The following SP4 variants were observed in gnomAD, a reference collection of about 807,000 sequenced individuals.
SP4 encodes Sp4 transcription factor.
A neutral mutation model predicts 72.8 loss-of-function variants in SP4; 19 were observed. The ratio of observed to expected loss-of-function variants is 0.26; its 90% CI spans 0.18 to 0.38. The LOEUF (loss-of-function observed/expected upper bound fraction) is 0.38, where lower values mean the gene tolerates loss of function less well. SP4 is among the 10% of genes least tolerant of loss of function. The probability of loss-of-function intolerance (pLI) is 1.00; values close to 1 mark genes in which losing one functional copy is unlikely to be tolerated. For missense variants in SP4, 1,008 were observed against 926.3 expected, an observed-to-expected ratio of 1.09 and a Z score of -1.14; for synonymous variants, 395 against 333.1, an observed-to-expected ratio of 1.19 and a Z score of -2.02.
intron 5 of SP4, among the ~76,000 whole-genome samples, chr7:21,504,014 T>A (rs1277062440): frequency 6.6e-6 from 1 of 152,212 alleles, no homozygotes; most frequent in African/African-American, 2.4e-5. Context: ...GTGACCCCTG[T>A]CCTGTCTAAT....
At chr7:21,457,015 C>T (rs1170331738) in intron 3 of SP4, among the ~76,000 whole-genome samples, 1 of 129,818 alleles carries the variant, frequency 7.7e-6, no homozygotes, top group East Asian at 3.2e-4. Context: ...GGGTTGAATG[C>T]CTCCAGCCTA....
chr7:21,453,663 A>G (rs567204077), intron 3 of SP4, among the ~76,000 whole-genome samples: 56 of 152,350 alleles, frequency 3.7e-4, no homozygotes, highest in Non-Finnish European at 6.5e-4. Context: ...AATCTATTCA[A>G]TCTTAATCAG....
intron 5 of SP4, among the ~76,000 whole-genome samples, chr7:21,492,847 A>T (rs1232001446): frequency 6.6e-6 from 1 of 152,230 alleles, no homozygotes; most frequent in African/African-American, 2.4e-5. Flanking sequence ...TCAAGAGCAC[A>T]TGGAACATTC....
intron 5 of SP4, among the ~76,000 whole-genome samples, chr7:21,487,010 A>G (rs1784832561): frequency 6.6e-6 from 1 of 151,990 alleles, no homozygotes; most frequent in South Asian, 2.1e-4. Context: ...GTCATTTTCA[A>G]TTTTCCTTGT....
chr7:21,429,347 C>T lies in SP4; in HGVS notation c.182C>T (p.Pro61Leu). 6.2e-7 allele frequency: 1 copy of T among 1,613,754 alleles called. No individual in the cohort carries two copies. Among genetic ancestry groups the T allele is most frequent in the East Asian group, 2.2e-5 (1 of 44,866 alleles). ...LAATCSKIGT[P>L]GENQATGQQQ... ...GCTACTTGCAGCAAAATAGGGACTC[C>T]TGGTGAAAATCAAGCAACTGGACAA... Residue 61 changes from proline to leucine, a missense_variant, in exon 3 of 6, where the codon CCT becomes CTT. This residue lies in a region of SP4 where 893 missense variants were observed against 743.3 expected (regional missense o/e 1.20). Coordinates refer to ENST00000222584, the MANE Select transcript of SP4 (RefSeq NM_003112.5).
intron 3 of SP4, among the ~76,000 whole-genome samples, chr7:21,444,535 C>T (rs1783360963): frequency 1.3e-5 from 2 of 152,124 alleles, no homozygotes; most frequent in Non-Finnish European, 2.9e-5. Context: ...AGAGTCTAAA[C>T]GTACTTGTAC....
At position 21,430,274 on chromosome 7, in the gene SP4, C is replaced by G; in HGVS notation, c.1109C>G (p.Ser370Cys). The part of the protein sequence containing the change: ...EESQTPAATE[S>C]EAQSSSQLQP... ...TCTCAAACACCTGCTGCTACTGAGT[C>G]TGAAGCCCAGAGCTCCAGTCAGCTT... The change falls in exon 3 of 6, where the codon TCT becomes TGT. Residue 370 changes from serine to cysteine, a missense_variant. This residue lies in a region of SP4 where 893 missense variants were observed against 743.3 expected (regional missense o/e 1.20). Coordinates refer to ENST00000222584, the MANE Select transcript of SP4 (RefSeq NM_003112.5). 1 of 1,614,236 alleles carries G rather than the reference C, an allele frequency of 6.2e-7. No homozygotes were observed. Among genetic ancestry groups the G allele is most frequent in the Non-Finnish European group, 8.5e-7 (1 of 1,180,054 alleles).
chr7:21,461,761 G>A (rs536939684), intron 3 of SP4, among the ~76,000 whole-genome samples: 19 of 152,338 alleles, frequency 1.2e-4, no homozygotes, highest in African/African-American at 4.1e-4. Flanking sequence ...AGGAGGCACC[G>A]AGAGTGAGCC....
intron 5 of SP4, among the ~76,000 whole-genome samples, chr7:21,500,869 A>G (rs760046963): frequency 2.0e-5 from 3 of 152,174 alleles, no homozygotes; most frequent in African/African-American, 4.8e-5. Flanking sequence ...CCCTTTTACC[A>G]TGTTACTTAA....
At chr7:21,466,257 A>G (rs780907500) in intron 3 of SP4, among the ~76,000 whole-genome samples, 1 of 152,210 alleles carries the variant, frequency 6.6e-6, no homozygotes, top group Non-Finnish European at 1.5e-5. Flanking sequence ...AGTTTGCTGT[A>G]TGAATAAATC....
Position 21,511,995 on chromosome 7 carries a change from A to G in SP4, c.*726A>G, listed in dbSNP as rs1273891088. 1 of 152,694 alleles carries G rather than the reference A, an allele frequency of 6.5e-6. No homozygotes were observed. Among genetic ancestry groups the G allele is most frequent in the Non-Finnish European group, 1.5e-5 (1 of 67,986 alleles). The allele number at this position is 152,694 out of a possible 1,614,324, so 9.5% of individuals were successfully genotyped here. ...GTTGACACCTTAGGAAAATGCTGGG[A>G]AAAAAATGGTTAAAACAAAACTCAT... On this transcript the variant is annotated 3_prime_UTR_variant, in exon 6 of 6. Coordinates refer to ENST00000222584, the MANE Select transcript of SP4 (RefSeq NM_003112.5).
chr7:21,442,144 T>G (rs1250402765), intron 3 of SP4, among the ~76,000 whole-genome samples: 2 of 151,340 alleles, frequency 1.3e-5, no homozygotes, highest in Non-Finnish European at 2.9e-5. Flanking sequence ...GTTCAAGTGA[T>G]TCTCCTCCCT....
intron 5 of SP4, among the ~76,000 whole-genome samples, chr7:21,507,038 A>G (rs1456176492): frequency 2.0e-5 from 3 of 152,154 alleles, no homozygotes; most frequent in East Asian, 3.9e-4. Flanking sequence ...CCAGATGGTC[A>G]TGTCCACTCT....
chr7:21,448,155 A>G (rs528957581), intron 3 of SP4, among the ~76,000 whole-genome samples: 3 of 152,214 alleles, frequency 2.0e-5, no homozygotes, highest in Non-Finnish European at 2.9e-5. Flanking sequence ...TTTTTGAACC[A>G]CTTTAACAAA....
In SP4 at chr7:21,485,765, A is replaced by G. The variant is rs538824416; in HGVS notation, c.2107+3642A>G. On this transcript the variant is annotated intron_variant, in intron 5 of 5. Transcript: ENST00000222584. Reference sequence around the variant, plus strand: ...ACTTTACCTGAAATAATCTTTAGTTATTTCAAGTTTTTAAGAACAATGTGA... The same window carrying G: ...ACTTTACCTGAAATAATCTTTAGTTGTTTCAAGTTTTTAAGAACAATGTGA... Among the ~76,000 whole-genome samples, 5 of 152,058 alleles carry G rather than the reference A, an allele frequency of 3.3e-5. No individual in the cohort carries two copies. The East Asian group carries it at 7.7e-4, about 23-fold the overall frequency.
At position 21,429,436 on chromosome 7, in the gene SP4, G is replaced by T; in HGVS notation, c.271G>T (p.Glu91Ter). 1 of 1,614,154 alleles carries T rather than the reference G, an allele frequency of 6.2e-7. No homozygotes were observed. Among genetic ancestry groups the T allele is most frequent in the Non-Finnish European group, 8.5e-7 (1 of 1,180,026 alleles). ...ACTTCAAAATCAACCACAACAGCTA[G>T]AACTGGTAACAACGCAACTTGCTGG... ...VQLQNQPQQL[E>*]LVTTQLAGNA... Residue 91 changes from glutamate (E) to a stop codon, truncating the protein, a stop_gained, in exon 3 of 6, where the codon GAA (glutamate) becomes TAA (stop). Coordinates refer to ENST00000222584, the MANE Select transcript of SP4 (RefSeq NM_003112.5). LOFTEE classifies it high-confidence loss of function.
intron 3 of SP4, among the ~76,000 whole-genome samples, chr7:21,458,326 G>C (rs143073557): frequency 0.014 from 2,077 of 152,138 alleles, 47 homozygotes; most frequent in East Asian, 0.082. Flanking sequence ...CCGAGTAGCT[G>C]GGATTACAGG....
chr7:21,494,034 G>GA (rs1057307394), intron 5 of SP4, among the ~76,000 whole-genome samples: 2 of 151,942 alleles, frequency 1.3e-5, no homozygotes, highest in Admixed American at 6.6e-5. Flanking sequence ...AATGACAAAA[G>GA]AAAAAAAATC....
At chr7:21,461,140 G>C (rs552489066) in intron 3 of SP4, among the ~76,000 whole-genome samples, 1 of 152,236 alleles carries the variant, frequency 6.6e-6, no homozygotes, top group Non-Finnish European at 1.5e-5. Context: ...TTCACCCAGT[G>C]GATTTCGCAC....
Sources: allele counts gnomAD v4.1 joint callset (sites outside exome capture counted in the v4.1 genomes callset), GRCh38; gene constraint gnomAD v4.1.1; regional missense constraint gnomAD v4.1.1; transcripts MANE v1.5; gene names NCBI Gene and HGNC (gene_info 2026-07-23, HGNC 2026-07-21).